ADGRL3: variants seen among roughly 807,000 people sequenced by gnomAD.
ADGRL3 encodes the protein calcium-independent alpha-latrotoxin receptor 3.
In ADGRL3, 62 loss-of-function variants were observed where a neutral mutation model predicts 153.5. The ratio of observed to expected loss-of-function variants is 0.40; its 90% CI spans 0.33 to 0.50. The LOEUF (loss-of-function observed/expected upper bound fraction) is 0.50. ADGRL3 is among the 20% of genes least tolerant of loss of function. The pLI is 0.47. For missense variants in ADGRL3, 1,641 were observed against 1,859.4 expected (o/e 0.88, Z 2.16); for synonymous variants, 710 against 672.5 (o/e 1.06, Z -0.86).
intron 2 of ADGRL3, among the ~76,000 whole-genome samples, chr4:61,449,819 T>C (rs922701027): frequency 2.7e-4 from 41 of 152,184 alleles, no homozygotes; most frequent in African/African-American, 9.9e-4. Context: ...CCACCTTCAC[T>C]GGACACACTT....
intron 8 of ADGRL3, among the ~76,000 whole-genome samples, chr4:61,801,881 GT>G (rs1187908712): frequency 2.0e-5 from 3 of 152,146 alleles, no homozygotes; most frequent in Non-Finnish European, 4.4e-5. Flanking sequence ...GTAATTTCAT[GT>G]TCTCTGCATA....
At chr4:62,037,663 C>T in intron 23 of ADGRL3, 68 bp from the exon 24 acceptor site, 1 of 1,526,814 alleles carries the variant, frequency 6.5e-7, no homozygotes, top group Non-Finnish European at 9.1e-7. Flanking sequence ...AACTCACATA[C>T]ATTGTCTACT....
At chr4:61,225,061 G>A (rs951928214) in intron 1 of ADGRL3, among the ~76,000 whole-genome samples, 1 of 152,132 alleles carries the variant, frequency 6.6e-6, no homozygotes, top group Admixed American at 6.6e-5. Flanking sequence ...TCTAAACCAG[G>A]ATCTGCTTTG....
At chr4:62,034,595 T>A (rs2151549232) in intron 23 of ADGRL3, among the ~76,000 whole-genome samples, 1 of 152,038 alleles carries the variant, frequency 6.6e-6, no homozygotes, top group East Asian at 1.9e-4. Context: ...AGGTACTTTT[T>A]CTTTTAAGCC....
rs185160014 is a variant in ADGRL3, at chr4:61,444,266, T to C, written c.-173-52855T>C. ...GGAGCTTTGCCTGTGTTCATAGGCT[T>C]TTGGTGCAGCTTTCCCAGCCTGGCA... On this transcript the variant is annotated intron_variant, in intron 2 of 26. Transcript: ENST00000683033. Among the ~76,000 whole-genome samples the C allele has an allele frequency of 2.6e-5, 4 of 152,308 alleles. No homozygotes were observed. The East Asian group carries it at 7.7e-4, about 29-fold the overall frequency.
intron 21 of ADGRL3, among the ~76,000 whole-genome samples, chr4:62,025,870 A>G (rs1364387088): frequency 6.6e-6 from 1 of 152,170 alleles, no homozygotes; most frequent in Non-Finnish European, 1.5e-5. Context: ...TATCATTAGT[A>G]AAACATAATA....
At chr4:62,041,533 T>C (rs906899208) in intron 24 of ADGRL3, among the ~76,000 whole-genome samples, 14 of 152,010 alleles carry the variant, frequency 9.2e-5, no homozygotes, top group African/African-American at 2.9e-4. Flanking sequence ...ACCTAGGAAA[T>C]AGAACATTTT....
chr4:61,391,447 G>A (rs1429976309), intron 2 of ADGRL3, among the ~76,000 whole-genome samples: 1 of 152,138 alleles, frequency 6.6e-6, no homozygotes, highest in Non-Finnish European at 1.5e-5. Context: ...CTACACCTCT[G>A]GCATTAGGGA....
intron 1 of ADGRL3, among the ~76,000 whole-genome samples, chr4:61,205,453 A>T (rs767304020): frequency 1.3e-5 from 2 of 152,176 alleles, no homozygotes; most frequent in Non-Finnish European, 2.9e-5. Flanking sequence ...AGTTTTGCAA[A>T]TGGCTATTTT....
Position 61,425,127 on chromosome 4 carries a change from C to T in ADGRL3, c.-174+41938C>T, listed in dbSNP as rs1348943737. On this transcript the variant is annotated intron_variant, in intron 2 of 26. Coordinates refer to ENST00000683033, the MANE Select transcript of ADGRL3 (RefSeq NM_001387552.1). The stretch of plus-strand genomic sequence containing the variant: ...TGTGGTGATATATGTTATATTTGTG[C>T]AGGCTATGGTGGGCAAATACCCCAT... Among the ~76,000 whole-genome samples the T allele has an allele frequency of 2.0e-5, 3 of 152,116 alleles. No homozygotes were observed. The East Asian group carries it at 5.8e-4, about 29-fold the overall frequency.
chr4:61,555,709 T>G (rs895328809), intron 4 of ADGRL3, among the ~76,000 whole-genome samples: 1 of 152,210 alleles, frequency 6.6e-6, no homozygotes, highest in East Asian at 1.9e-4. Flanking sequence ...GGCTACTCCA[T>G]AGACAAAGCA....
chr4:61,494,426 T>A (rs918109773), intron 2 of ADGRL3, among the ~76,000 whole-genome samples: 6 of 152,322 alleles, frequency 3.9e-5, no homozygotes, highest in African/African-American at 1.2e-4. Context: ...CATTGTGATC[T>A]TGTTCATGAA....
intron 5 of ADGRL3, among the ~76,000 whole-genome samples, chr4:61,630,984 A>C (rs1324953102): frequency 6.6e-6 from 1 of 152,208 alleles, no homozygotes; most frequent in Non-Finnish European, 1.5e-5. Flanking sequence ...TAAATGAATA[A>C]AGTAATCGAT....
At chr4:61,483,139 A>G (rs2152743966) in intron 2 of ADGRL3, among the ~76,000 whole-genome samples, 1 of 152,200 alleles carries the variant, frequency 6.6e-6, no homozygotes, top group Middle Eastern at 3.4e-3. Context: ...TTCTTTTTCA[A>G]GTGCTGTTCT....
intron 13 of ADGRL3, among the ~76,000 whole-genome samples, chr4:61,927,383 GTC>G (rs1296798246): frequency 2.6e-5 from 4 of 151,500 alleles, no homozygotes; most frequent in African/African-American, 9.7e-5. Context: ...AAAATAAGAG[GTC>G]TCTTAAAGAC....
chr4:61,324,316 A>G (rs1378006879), intron 1 of ADGRL3, among the ~76,000 whole-genome samples: 1 of 152,150 alleles, frequency 6.6e-6, no homozygotes, highest in South Asian at 2.1e-4. Flanking sequence ...AATCAAATAC[A>G]TTTTATATTT....
At chr4:61,616,116 C>T (rs1021111459) in intron 5 of ADGRL3, among the ~76,000 whole-genome samples, 2 of 151,660 alleles carry the variant, frequency 1.3e-5, no homozygotes, top group Non-Finnish European at 2.9e-5. Flanking sequence ...TAAAGGCTGG[C>T]AATGTAAGTA....
At position 62,072,306 on chromosome 4, in the gene ADGRL3, T is replaced by G. The variant is rs1268752894; in HGVS notation, c.*1398T>G. Reference sequence around the variant, plus strand: ...GTAATGTAGGAATACAAAAGGTAAATTAGCAGCACATATAATTTTTTTTTA... The same window carrying G: ...GTAATGTAGGAATACAAAAGGTAAAGTAGCAGCACATATAATTTTTTTTTA... On this transcript the variant is annotated 3_prime_UTR_variant, in exon 27 of 27. Transcript: ENST00000683033. The G allele has an allele frequency of 1.3e-5, 2 of 152,594 alleles. No homozygotes were observed. Among genetic ancestry groups the G allele is most frequent in the Non-Finnish European group, 2.9e-5 (2 of 68,034 alleles). The allele number at this position is 152,594 out of a possible 1,614,324, so 9.5% of individuals were successfully genotyped here.
chr4:61,603,033 A>C (rs956845524), intron 5 of ADGRL3, among the ~76,000 whole-genome samples: 1 of 152,172 alleles, frequency 6.6e-6, no homozygotes, highest in African/African-American at 2.4e-5. Flanking sequence ...CCATTCTATT[A>C]AAGTAAGATA....
Sources: allele counts gnomAD v4.1 joint callset (sites outside exome capture counted in the v4.1 genomes callset), GRCh38; gene constraint gnomAD v4.1.1; transcripts MANE v1.5; gene names NCBI Gene and HGNC (gene_info 2026-07-23, HGNC 2026-07-21).